The following FABP7 variants were observed in gnomAD, a reference collection of about 807,000 sequenced individuals.
FABP7 encodes the protein fatty acid-binding protein, brain.
In FABP7, 13 loss-of-function variants were observed where a neutral mutation model predicts 14.2. The ratio of observed to expected loss-of-function variants is 0.91; its 90% CI spans 0.59 to 1.45. The LOEUF (loss-of-function observed/expected upper bound fraction) is 1.45, where lower values mean the gene tolerates loss of function less well. Among genes scored for constraint, FABP7 ranks in the 40% most tolerant of loss-of-function variants. FABP7 has a pLI of 0.00. For missense variants in FABP7, 149 were observed against 157.6 expected (o/e 0.95, Z 0.29); for synonymous variants, 49 against 51.4 (o/e 0.95, Z 0.20).
At chr6:122,772,498 A>G in the FABP7 span, among the ~76,000 whole-genome samples, 141 of 152,270 alleles carry the variant, frequency 9.3e-4, no homozygotes, top group African/African-American at 3.2e-3. Flanking sequence ...GCTCACTGCA[A>G]CTTCCACCTC....
In FABP7 at chr6:122,782,901, C is replaced by T. The variant is rs990719776; in HGVS notation, c.349-816C>T. 29 of 985,156 alleles carry T rather than the reference C, an allele frequency of 2.9e-5. No individual in the cohort carries two copies. The African/African-American group carries it at 3.1e-4, about 11-fold the overall frequency. 61.0% of individuals were successfully genotyped at this position (985,156 alleles called of 1,614,324 possible). A position where few individuals can be genotyped will look rare whatever the true frequency, so the allele number is the denominator to read the frequency against. ...AGAAAGGACTCATTTCTAAAAGATT[C>T]GCTCTGAAGTTCTCCTTTATGCTTT... On this transcript the variant is annotated intron_variant, in intron 3 of 3. Coordinates refer to ENST00000368444, the MANE Select transcript of FABP7 (RefSeq NM_001446.5).
intron 3 of FABP7, chr6:122,781,506 G>A: frequency 7.4e-7 from 1 of 1,344,658 alleles, no homozygotes; most frequent in South Asian, 2.3e-5. Context: ...AACTATGGAT[G>A]TCTCTCAAAT....
Position 122,781,091 on chromosome 6 carries a change from A to T in FABP7, c.247-2A>T. The T allele has an allele frequency of 6.2e-7, 1 of 1,610,914 alleles. No individual in the cohort carries two copies. ...TGTTCTGCATTTTGTTGTTGGTCTCAGTCTGTTGTTAGCCTGGATGGAGAC... is the reference window on the plus strand; with the variant it reads ...TGTTCTGCATTTTGTTGTTGGTCTCTGTCTGTTGTTAGCCTGGATGGAGAC... On this transcript the variant is annotated splice_acceptor_variant, in intron 2 of 3. Transcript: ENST00000368444. LOFTEE classifies it high-confidence loss of function.
At chr6:122,765,171 A>G in the FABP7 span, among the ~76,000 whole-genome samples, 9 of 152,118 alleles carry the variant, frequency 5.9e-5, no homozygotes, top group Non-Finnish European at 1.2e-4. Context: ...TGCAATGGAA[A>G]AGACTATGGG....
At chr6:122,762,684 T>C in the FABP7 span, among the ~76,000 whole-genome samples, 1 of 152,220 alleles carries the variant, frequency 6.6e-6, no homozygotes, top group Non-Finnish European at 1.5e-5. Context: ...ATAAGCAACT[T>C]TAGCAAAGTC....
chr6:122,778,011 A>G (rs1280218339), upstream of FABP7, among the ~76,000 whole-genome samples: 1 of 151,992 alleles, frequency 6.6e-6, no homozygotes, highest in South Asian at 2.1e-4. Context: ...AGCTGAACCA[A>G]TGTATGCCTT....
At chr6:122,760,497 T>G in the FABP7 span, among the ~76,000 whole-genome samples, 1 of 152,154 alleles carries the variant, frequency 6.6e-6, no homozygotes, top group Non-Finnish European at 1.5e-5. Context: ...TTCTACCATC[T>G]TGCTCTTTGA....
At chr6:122,772,254 A>T in the FABP7 span, among the ~76,000 whole-genome samples, 81 of 152,122 alleles carry the variant, frequency 5.3e-4, no homozygotes, top group African/African-American at 2.0e-3. Flanking sequence ...TTAATAATAA[A>T]CCCAAAATAT....
chr6:122,781,744 T>A, intron 3 of FABP7: 2 of 903,950 alleles, frequency 2.2e-6, no homozygotes, highest in Non-Finnish European at 2.6e-6. Context: ...ATAACCCTTT[T>A]TTTTTTTTTT....
upstream of FABP7, among the ~76,000 whole-genome samples, chr6:122,775,773 G>A (rs1780663090): frequency 1.3e-5 from 2 of 151,540 alleles, no homozygotes; most frequent in Non-Finnish European, 1.5e-5. Context: ...AAAATATTTG[G>A]AAGCTATCCA....
At chr6:122,757,994 T>A in the FABP7 span, among the ~76,000 whole-genome samples, 1 of 151,918 alleles carries the variant, frequency 6.6e-6, no homozygotes, top group East Asian at 1.9e-4. Context: ...GAGGACAGAG[T>A]GAACAATGGA....
At chr6:122,757,486 T>C in the FABP7 span, among the ~76,000 whole-genome samples, 1 of 152,078 alleles carries the variant, frequency 6.6e-6, no homozygotes, top group Non-Finnish European at 1.5e-5. Flanking sequence ...TGTCCTCAGA[T>C]ATTAGATGCA....
the FABP7 span, among the ~76,000 whole-genome samples, chr6:122,761,254 G>A: frequency 1.3e-5 from 2 of 152,072 alleles, no homozygotes; most frequent in African/African-American, 4.8e-5. Flanking sequence ...GTTTCTATGA[G>A]GTTAAATTTG....
the FABP7 span, among the ~76,000 whole-genome samples, chr6:122,751,709 AG>A: frequency 6.6e-6 from 1 of 152,192 alleles, no homozygotes; most frequent in African/African-American, 2.4e-5. Context: ...CTGGGAACTG[AG>A]GTACAAACGC....
chr6:122,771,540 G>C, the FABP7 span, among the ~76,000 whole-genome samples: 1 of 152,152 alleles, frequency 6.6e-6, no homozygotes, highest in South Asian at 2.1e-4. Context: ...AGGATCTATA[G>C]AAAGGACAAT....
the FABP7 span, among the ~76,000 whole-genome samples, chr6:122,760,391 A>G: frequency 6.6e-6 from 1 of 152,122 alleles, no homozygotes; most frequent in Non-Finnish European, 1.5e-5. Context: ...CATTTGCATG[A>G]TACATTTTCT....
chr6:122,769,772 A>G, the FABP7 span, among the ~76,000 whole-genome samples: 1 of 152,122 alleles, frequency 6.6e-6, no homozygotes, highest in African/African-American at 2.4e-5. Context: ...TGTCATTCCC[A>G]TATTTTTAAA....
the FABP7 span, among the ~76,000 whole-genome samples, chr6:122,766,478 T>A: frequency 2.6e-5 from 4 of 152,226 alleles, no homozygotes; most frequent in African/African-American, 9.6e-5. Flanking sequence ...AGACCTAGCA[T>A]CCCACATCCT....
At chr6:122,763,175 T>C in the FABP7 span, among the ~76,000 whole-genome samples, 1 of 152,204 alleles carries the variant, frequency 6.6e-6, no homozygotes, top group African/African-American at 2.4e-5. Flanking sequence ...AGCATGGTAC[T>C]GGTACCAAAA....
Sources: gnomAD v4.1 joint callset for allele counts (sites outside exome capture counted in the v4.1 genomes callset) on GRCh38, gnomAD v4.1.1 for gene constraint, MANE v1.5 for transcripts, NCBI Gene and HGNC (gene_info 2026-07-23, HGNC 2026-07-21) for gene names.